The following SPAG1 variants were observed in gnomAD, a reference collection of about 807,000 sequenced individuals.
The protein encoded by SPAG1 is sperm-associated antigen 1.
In SPAG1, 69 loss-of-function variants were observed where a neutral mutation model predicts 100.5. That is an observed-to-expected ratio of 0.69 (90% confidence interval 0.57 to 0.84). The LOEUF (loss-of-function observed/expected upper bound fraction) is 0.84, where lower values mean the gene tolerates loss of function less well. Among genes scored for constraint, SPAG1 ranks in the 40% least tolerant of loss-of-function variants. The probability of loss-of-function intolerance (pLI) is 0.00; values close to 1 mark genes in which losing one functional copy is unlikely to be tolerated. For synonymous variants in SPAG1, 336 were observed against 411.6 expected, an observed-to-expected ratio of 0.82 and a Z score of 2.22; for missense variants, 955 against 1,133.1, an observed-to-expected ratio of 0.84 and a Z score of 2.26.
intron 1 of SPAG1, among the ~76,000 whole-genome samples, chr8:100,159,171 A>C (rs1034384418): frequency 6.6e-6 from 1 of 152,172 alleles, no homozygotes; most frequent in Non-Finnish European, 1.5e-5. Context: ...GATCTCTCCC[A>C]CCAAAGATCC....
At chr8:100,182,067 A>T (rs1273835504) in intron 4 of SPAG1, among the ~76,000 whole-genome samples, 1 of 152,250 alleles carries the variant, frequency 6.6e-6, no homozygotes, top group Non-Finnish European at 1.5e-5. Context: ...GTAATAGTTT[A>T]AAAACAAATC....
chr8:100,211,664 A>C (rs1817721821), intron 10 of SPAG1, among the ~76,000 whole-genome samples: 1 of 152,240 alleles, frequency 6.6e-6, no homozygotes, highest in Admixed American at 6.5e-5. Flanking sequence ...GTCAAAATAA[A>C]TACAAACAAA....
intron 3 of SPAG1, among the ~76,000 whole-genome samples, chr8:100,170,845 A>T (rs7839000): frequency 0.36 from 46,832 of 131,248 alleles, 8,165 homozygotes; most frequent in East Asian, 0.53. Context: ...TTATTTATTT[A>T]TTTATTTTTT....
At chr8:100,181,236 C>G (rs140930358) in intron 4 of SPAG1, among the ~76,000 whole-genome samples, 20 of 152,204 alleles carry the variant, frequency 1.3e-4, no homozygotes, top group Middle Eastern at 3.4e-3. Flanking sequence ...CTTCTTTATT[C>G]AGTCATAATT....
intron 16 of SPAG1, among the ~76,000 whole-genome samples, chr8:100,237,075 A>G (rs906472112): frequency 2.0e-5 from 3 of 151,520 alleles, no homozygotes; most frequent in African/African-American, 4.9e-5. Flanking sequence ...TGTTGTTGTT[A>G]TTGTTTGTTA....
chr8:100,169,152 C>T (rs1291114271), intron 3 of SPAG1, among the ~76,000 whole-genome samples: 1 of 152,110 alleles, frequency 6.6e-6, no homozygotes, highest in African/African-American at 2.4e-5. Flanking sequence ...ATTCTTATAT[C>T]TAGGTCTATA....
At chr8:100,193,428 T>G (rs1405157357) in intron 9 of SPAG1, among the ~76,000 whole-genome samples, 9 of 152,036 alleles carry the variant, frequency 5.9e-5, no homozygotes, top group Admixed American at 5.9e-4. Context: ...ACCACTGTAC[T>G]CCAGCCGGGG....
chr8:100,222,261 C>A (rs79183004), intron 13 of SPAG1, among the ~76,000 whole-genome samples: 1 of 152,192 alleles, frequency 6.6e-6, no homozygotes, highest in Non-Finnish European at 1.5e-5. Context: ...TTTCTCAGTG[C>A]CCCCATAACA....
At chr8:100,216,670 T>C (rs1369687904) in intron 12 of SPAG1, among the ~76,000 whole-genome samples, 4 of 152,184 alleles carry the variant, frequency 2.6e-5, no homozygotes, top group Non-Finnish European at 5.9e-5. Flanking sequence ...AGATGTTTTC[T>C]TTGATAGCTG....
intron 13 of SPAG1, among the ~76,000 whole-genome samples, chr8:100,221,277 T>C (rs561971453): frequency 1.3e-5 from 2 of 152,280 alleles, no homozygotes; most frequent in Admixed American, 6.5e-5. Flanking sequence ...ATATTTCTGT[T>C]ATATGCCCTT....
chr8:100,203,527 T>C (rs1037950444), intron 10 of SPAG1, among the ~76,000 whole-genome samples: 1 of 152,186 alleles, frequency 6.6e-6, no homozygotes, highest in South Asian at 2.1e-4. Context: ...GTATGGAGAA[T>C]ACTGATAGTC....
chr8:100,210,514 C>T (rs988694936), intron 10 of SPAG1, among the ~76,000 whole-genome samples: 11 of 152,176 alleles, frequency 7.2e-5, no homozygotes, highest in Non-Finnish European at 1.6e-4. Flanking sequence ...TGACTCCTTT[C>T]TTCCCAAACT....
At chr8:100,225,452 G>C (rs938614865) in intron 14 of SPAG1, 113 bp downstream of exon 14, 27 of 921,754 alleles carry the variant, frequency 2.9e-5, no homozygotes, top group Non-Finnish European at 3.6e-5. Context: ...CTAGGTTTAA[G>C]TGAAGTCCCT....
At chr8:100,165,690 CTGGGA>C in intron 2 of SPAG1, 119 bp from the exon 3 acceptor site, 1 of 652,586 alleles carries the variant, frequency 1.5e-6, no homozygotes. Flanking sequence ...AGGAAAGAGA[CTGGGA>C]AGCAGCCCTT....
At chr8:100,168,704 T>TTTTTTTTTTTTTTTTTA (rs1815683125) in intron 3 of SPAG1, among the ~76,000 whole-genome samples, 1 of 144,626 alleles carries the variant, frequency 6.9e-6, no homozygotes, top group Non-Finnish European at 1.5e-5. Context: ...TTTTTGTTGT[T>TTTTTTTTTTTTTTTTTA]GAGACAGAGC....
In SPAG1 at chr8:100,162,427, A is replaced by G; in HGVS notation, c.140+7A>G. The G allele has an allele frequency of 1.3e-6, 2 of 1,564,362 alleles. No homozygotes were observed. Among genetic ancestry groups the G allele is most frequent in the Non-Finnish European group, 1.7e-6 (2 of 1,159,862 alleles). ...AAATTCTTTGCGTGCTCAGGTAAGCATTTTAAAATCATTACATGTTTTAGT... is the reference window on the plus strand; with the variant it reads ...AAATTCTTTGCGTGCTCAGGTAAGCGTTTTAAAATCATTACATGTTTTAGT... On this transcript the variant is annotated splice_region_variant and intron_variant, in intron 2 of 18. Coordinates refer to ENST00000388798, the MANE Select transcript of SPAG1 (RefSeq NM_003114.5).
chr8:100,180,157 A>G (rs1045777581), intron 4 of SPAG1, among the ~76,000 whole-genome samples: 1 of 152,114 alleles, frequency 6.6e-6, no homozygotes, highest in African/African-American at 2.4e-5. Context: ...GCGAGACCCC[A>G]TCTCTACAAA....
At chr8:100,175,152 T>G (rs900974264) in intron 3 of SPAG1, among the ~76,000 whole-genome samples, 1 of 151,824 alleles carries the variant, frequency 6.6e-6, no homozygotes, top group African/African-American at 2.4e-5. Context: ...CACTCCTGGC[T>G]TAATGGCTTT....
intron 12 of SPAG1, among the ~76,000 whole-genome samples, chr8:100,214,783 C>T (rs1366689521): frequency 6.6e-6 from 1 of 151,636 alleles, no homozygotes; most frequent in African/African-American, 2.4e-5. Flanking sequence ...AGTTTGAGAC[C>T]GTCCTGGCCA....
Sources: allele counts gnomAD v4.1 joint callset (sites outside exome capture counted in the v4.1 genomes callset), GRCh38; gene constraint gnomAD v4.1.1; transcripts MANE v1.5; gene names NCBI Gene and HGNC (gene_info 2026-07-23, HGNC 2026-07-21).